The following SRC variants were observed in gnomAD, a reference collection of about 807,000 sequenced individuals.
SRC encodes SRC proto-oncogene, non-receptor tyrosine kinase, also known as proto-oncogene tyrosine-protein kinase Src.
In SRC, 13 loss-of-function variants were observed where a neutral mutation model predicts 62.9. The ratio of observed to expected loss-of-function variants is 0.21; its 90% confidence interval spans 0.13 to 0.33. The LOEUF (loss-of-function observed/expected upper bound fraction) is 0.33, where lower values mean the gene tolerates loss of function less well. SRC is among the 10% of genes least tolerant of loss of function. SRC has a pLI of 1.00. For synonymous variants in SRC, 302 were observed against 317.5 expected, an observed-to-expected ratio of 0.95 and a Z score of 0.52; for missense variants, 457 against 737.3, an observed-to-expected ratio of 0.62 and a Z score of 4.40.
At chr20:37,362,192 C>G (rs1193633611) in intron 1 of SRC, among the ~76,000 whole-genome samples, 1 of 151,990 alleles carries the variant, frequency 6.6e-6, no homozygotes, top group Non-Finnish European at 1.5e-5. Context: ...GTAGCTGGAA[C>G]TCTTGGGCAC....
At chr20:37,392,638 C>T (rs1457114152) in intron 5 of SRC, among the ~76,000 whole-genome samples, 2 of 152,176 alleles carry the variant, frequency 1.3e-5, no homozygotes, top group Admixed American at 6.5e-5. Context: ...GGAGCCTGGG[C>T]CTGGCTGTGT....
rs764075718 is a variant in SRC at position 37,403,039 on chromosome 20, C to T, written c.1403-132C>T. 9 of 1,305,932 alleles carry T rather than the reference C, an allele frequency of 6.9e-6. No individual in the cohort carries two copies. The highest frequency in any genetic ancestry group is 2.7e-5 in the Admixed American group (1 of 37,412). 80.9% of individuals were successfully genotyped at this position (1,305,932 alleles called of 1,614,324 possible). A position where few individuals can be genotyped will look rare whatever the true frequency, so the allele number is the denominator to read the frequency against. ...TCTCGATGGTCCATGCTCTCAGCTTCGGGGACAGGACTTATCTATGGTCAC... is the reference window on the plus strand; with the variant it reads ...TCTCGATGGTCCATGCTCTCAGCTTTGGGGACAGGACTTATCTATGGTCAC... On this transcript the variant is annotated intron_variant, in intron 13 of 13. Coordinates refer to ENST00000373578, the MANE Select transcript of SRC (RefSeq NM_198291.3). The surrounding 1 kb of genome is among the most constrained non-coding windows in gnomAD (Gnocchi z 7.1).
At chr20:37,379,498 C>T (rs1042026246) in intron 2 of SRC, among the ~76,000 whole-genome samples, 30 of 151,798 alleles carry the variant, frequency 2.0e-4, no homozygotes, top group Non-Finnish European at 3.4e-4. Flanking sequence ...ACTGAGTCAT[C>T]GAGTGAAGAG....
rs114892268 is a variant in SRC, at chr20:37,366,250, C to T, written c.-173+973C>T. 3.6e-3 allele frequency among the ~76,000 whole-genome samples: 543 copies of T among 152,270 alleles called. 5 individuals carry two copies. Among genetic ancestry groups the T allele is most frequent in the African/African-American group, 0.013 (525 of 41,544 alleles). The stretch of plus-strand genomic sequence containing the variant: ...CAGAGAGATTGTGCTGGTGTCACCA[C>T]GCCCTCTGTTCTCCTCACTCTCACC... On this transcript the variant is annotated intron_variant, in intron 2 of 13. Transcript: ENST00000373578.
At chr20:37,348,989 G>A (rs1010276904) in intron 1 of SRC, among the ~76,000 whole-genome samples, 1 of 151,724 alleles carries the variant, frequency 6.6e-6, no homozygotes, top group Non-Finnish European at 1.5e-5. Context: ...GAAGGGGAGT[G>A]GGTAAGAGGT....
intron 11 of SRC, 143 bp downstream of exon 11, chr20:37,401,821 A>T: frequency 1.7e-6 from 1 of 575,550 alleles, no homozygotes; most frequent in Non-Finnish European, 3.0e-6. Flanking sequence ...TGCCGCACGT[A>T]TTTACCAGGT....
In SRC at chr20:37,397,941, G is replaced by A. The variant is rs2147108795; in HGVS notation, c.859+87G>A. On this transcript the variant is annotated intron_variant, in intron 9 of 13. Transcript: ENST00000373578. The surrounding 1 kb of genome is among the most constrained non-coding windows in gnomAD (Gnocchi z 4.1). ...GGCTCCCTTGGTCCCTTTGCCTTTA[G>A]CTGCCTCTGCTGGATGACGGGGCCC... 4 of 1,434,022 alleles carry A rather than the reference G, an allele frequency of 2.8e-6. No homozygotes were observed. In the South Asian group the frequency reaches 5.4e-5, roughly 19 times the overall value. The allele number at this position is 1,434,022 out of a possible 1,614,324, so 88.8% of individuals were successfully genotyped here. A position where few individuals can be genotyped will look rare whatever the true frequency, so the allele number is the denominator to read the frequency against.
intron 5 of SRC, among the ~76,000 whole-genome samples, chr20:37,391,011 T>TG (rs1279527160): frequency 2.0e-5 from 3 of 152,188 alleles, no homozygotes; most frequent in Non-Finnish European, 2.9e-5. Flanking sequence ...GGGCTGACTC[T>TG]GGGGAGCTGG....
At position 37,384,250 on chromosome 20, in the gene SRC, C is replaced by G. The variant is rs1371352984; in HGVS notation, c.97C>G (p.Pro33Ala). 3 of 1,564,762 alleles carry G rather than the reference C, an allele frequency of 1.9e-6. No homozygotes were observed. The East Asian group carries it at 7.6e-5, about 40-fold the overall frequency. ...GCACGGCGCTGGCGGGGGCGCTTTC[C>G]CCGCCTCGCAGACCCCCAGCAAGCC... ...NVHGAGGGAF[P>A]ASQTPSKPAS... Residue 33 changes from proline (P) to alanine (A), a missense_variant, in exon 4 of 14, where the codon CCC becomes GCC. Coordinates refer to ENST00000373578, the MANE Select transcript of SRC (RefSeq NM_198291.3). The surrounding 1 kb of genome is among the most constrained non-coding windows in gnomAD (Gnocchi z 6.7).
In SRC at chr20:37,397,017, G is replaced by C. The variant is rs914031737; in HGVS notation, c.704-682G>C. Among the ~76,000 whole-genome samples, 4 of 152,090 alleles carry C rather than the reference G, an allele frequency of 2.6e-5. No homozygotes were observed. The highest frequency in any genetic ancestry group is 9.7e-5 in the African/African-American group (4 of 41,396). ...CGGCCACCGCTGTGTAGCTCATTCT[G>C]AACCCCTTTCCCTCAGATCAGAACT... On this transcript the variant is annotated intron_variant, in intron 8 of 13. Coordinates refer to ENST00000373578, the MANE Select transcript of SRC (RefSeq NM_198291.3). This position sits in a 1 kb window ranked among gnomAD's most constrained non-coding sequence, Gnocchi z 4.1.
intron 2 of SRC, among the ~76,000 whole-genome samples, chr20:37,380,430 T>C (rs1241924071): frequency 6.6e-6 from 1 of 152,100 alleles, no homozygotes; most frequent in Non-Finnish European, 1.5e-5. Flanking sequence ...AAGACATGAT[T>C]AGTATTTACC....
chr20:37,385,062 C>T (rs939030643), intron 4 of SRC, among the ~76,000 whole-genome samples: 1 of 152,228 alleles, frequency 6.6e-6, no homozygotes, highest in Non-Finnish European at 1.5e-5. Flanking sequence ...CACAGACACC[C>T]GCAGACACAT....
At chr20:37,357,547 G>C (rs908424213) in intron 1 of SRC, among the ~76,000 whole-genome samples, 10 of 152,244 alleles carry the variant, frequency 6.6e-5, no homozygotes, top group African/African-American at 2.4e-4. Context: ...ACCTGCTGCA[G>C]AGTATTAAAT....
At chr20:37,386,493 G>C (rs780978080) in intron 5 of SRC, 1 of 714,120 alleles carries the variant, frequency 1.4e-6, no homozygotes, top group East Asian at 2.7e-5. Flanking sequence ...TACATGCTCC[G>C]TGGGCGGCGG....
Position 37,384,422 on chromosome 20 carries a change from C to T in SRC, c.250+19C>T, listed in dbSNP as rs762419620. On this transcript the variant is annotated intron_variant, in intron 4 of 13. Coordinates refer to ENST00000373578, the MANE Select transcript of SRC (RefSeq NM_198291.3). The surrounding 1 kb of genome is among the most constrained non-coding windows in gnomAD (Gnocchi z 6.7). ...CTGGCCGGTCAGTGCGCGGGCGGCG[C>T]GGGGTCCTCGCCCACCTGGGGCCAC... is the stretch of plus-strand genomic sequence containing the variant. The T allele has an allele frequency of 2.2e-6, 3 of 1,339,328 alleles. No homozygotes were observed. Among genetic ancestry groups the T allele is most frequent in the Non-Finnish European group, 2.8e-6 (3 of 1,054,188 alleles). The allele number at this position is 1,339,328 out of a possible 1,614,324, so 83.0% of individuals were successfully genotyped here. A position where few individuals can be genotyped will look rare whatever the true frequency, so the allele number is the denominator to read the frequency against.
At chr20:37,389,459 C>T (rs1174692655) in intron 5 of SRC, among the ~76,000 whole-genome samples, 5 of 152,192 alleles carry the variant, frequency 3.3e-5, no homozygotes, top group Non-Finnish European at 7.3e-5. Flanking sequence ...ATGCTCTCCT[C>T]CAGAGACCTG....
chr20:37,370,371 T>C (rs1390234674), intron 2 of SRC, among the ~76,000 whole-genome samples: 1 of 152,226 alleles, frequency 6.6e-6, no homozygotes, highest in Non-Finnish European at 1.5e-5. Flanking sequence ...GGTCAGGAGT[T>C]CGAAACCAGC....
intron 2 of SRC, among the ~76,000 whole-genome samples, chr20:37,368,461 C>A (rs1253949431): frequency 2.4e-5 from 3 of 124,450 alleles, no homozygotes; most frequent in African/African-American, 8.4e-5. Flanking sequence ...ATAAACCAAC[C>A]AAACAAACAA....
At chr20:37,353,105 C>T (rs1419050996) in intron 1 of SRC, among the ~76,000 whole-genome samples, 2 of 152,188 alleles carry the variant, frequency 1.3e-5, no homozygotes, top group African/African-American at 2.4e-5. Flanking sequence ...CAGCCCTTTA[C>T]AGTTTACAAA....
Sources: allele counts gnomAD v4.1 joint callset (sites outside exome capture counted in the v4.1 genomes callset), GRCh38; gene constraint gnomAD v4.1.1; non-coding constraint Gnocchi (gnomAD v3.1); transcripts MANE v1.5; gene names NCBI Gene and HGNC (gene_info 2026-07-23, HGNC 2026-07-21).